The following RABGEF1 variants were observed in gnomAD, a reference collection of about 807,000 sequenced individuals.
RABGEF1 encodes RAB guanine nucleotide exchange factor 1.
In RABGEF1, 26 loss-of-function variants were observed where a neutral mutation model predicts 57.3. That is an observed-to-expected ratio of 0.45 (90% CI 0.33 to 0.63). The LOEUF (loss-of-function observed/expected upper bound fraction) is 0.63, where lower values mean the gene tolerates loss of function less well. Ranked by LOEUF, RABGEF1 falls within the 20% of genes least tolerant of loss-of-function variation. RABGEF1 has a pLI of 0.02. For missense variants in RABGEF1, 464 were observed against 607.6 expected, an observed-to-expected ratio of 0.76 and a Z score of 2.48; for synonymous variants, 185 against 210.7, an observed-to-expected ratio of 0.88 and a Z score of 1.06.
At chr7:66,750,380 T>G (rs887524761) in intron 1 of RABGEF1, among the ~76,000 whole-genome samples, 2 of 152,216 alleles carry the variant, frequency 1.3e-5, no homozygotes, top group Non-Finnish European at 2.9e-5. Context: ...GTACTGAAAT[T>G]CAGTATTTAA....
intron 5 of RABGEF1, 79 bp from the exon 6 acceptor site, chr7:66,797,295 C>G: frequency 7.5e-7 from 1 of 1,324,972 alleles, no homozygotes. Flanking sequence ...CAGAGCCAGA[C>G]TCTTTGTTTG....
At chr7:66,656,820 CAAAAAAA>C in the RABGEF1 span, among the ~76,000 whole-genome samples, 8 of 73,862 alleles carry the variant, frequency 1.1e-4, no homozygotes, top group South Asian at 4.7e-4. Flanking sequence ...AACTGCATCT[CAAAAAAA>C]AAAAAAAAAA....
At chr7:66,754,718 T>C (rs546158898) in intron 1 of RABGEF1, among the ~76,000 whole-genome samples, 5 of 152,358 alleles carry the variant, frequency 3.3e-5, no homozygotes, top group African/African-American at 1.2e-4. Context: ...TTGCGCCATC[T>C]AACAAATCTG....
At chr7:66,785,602 C>T (rs534110018) in intron 4 of RABGEF1, among the ~76,000 whole-genome samples, 24 of 152,294 alleles carry the variant, frequency 1.6e-4, no homozygotes, top group Middle Eastern at 3.4e-3. Context: ...TGGCCGGGTG[C>T]GGTGGCTCAC....
At chr7:66,803,062 A>G (rs1002335270) in intron 7 of RABGEF1, among the ~76,000 whole-genome samples, 86 of 152,352 alleles carry the variant, frequency 5.6e-4, no homozygotes, top group African/African-American at 2.0e-3. Flanking sequence ...TAAGTTCCAT[A>G]TAAGTAGAAA....
chr7:66,732,695 TGCTCTCTCTCTCTCGCTCACTCTCTCTC>T (rs1178280630), intron 2 of RABGEF1, among the ~76,000 whole-genome samples: 4 of 151,892 alleles, frequency 2.6e-5, no homozygotes, highest in African/African-American at 7.3e-5. Flanking sequence ...TGCGCTCTTG[TGCTCTCTCTCTCTCGCTCACTCTCTCTC>T]GCTCTCTCTC....
intron 3 of RABGEF1, among the ~76,000 whole-genome samples, chr7:66,777,225 A>G (rs192477627): frequency 6.6e-6 from 1 of 152,320 alleles, no homozygotes; most frequent in East Asian, 1.9e-4. Flanking sequence ...ATAAGTATTT[A>G]TGATAACAGA....
At chr7:66,800,349 G>A (rs945497804) in intron 7 of RABGEF1, among the ~76,000 whole-genome samples, 3 of 152,090 alleles carry the variant, frequency 2.0e-5, no homozygotes, top group Non-Finnish European at 4.4e-5. Flanking sequence ...CCTCTACAAC[G>A]GCAAGAGGGT....
intron 1 of RABGEF1, among the ~76,000 whole-genome samples, chr7:66,763,862 A>C (rs1805051415): frequency 6.6e-6 from 1 of 152,132 alleles, no homozygotes; most frequent in African/African-American, 2.4e-5. Flanking sequence ...GATATACCAC[A>C]TTTTGTTTAT....
rs564037503 is a variant in RABGEF1, at chr7:66,795,622, G to T, written c.595+30G>T. 19 of 1,547,346 alleles carry T rather than the reference G, an allele frequency of 1.2e-5. No homozygotes were observed. The South Asian group carries it at 1.9e-4, about 15-fold the overall frequency. On this transcript the variant is annotated intron_variant, in intron 5 of 8. Transcript: ENST00000284957. The stretch of plus-strand genomic sequence containing the variant: ...CACTGTTAGCCATTGAGAGATTGCG[G>T]GTATTGCACAGGGATGACTGCTCAG...
chr7:66,802,022 G>A (rs774764760), intron 7 of RABGEF1, among the ~76,000 whole-genome samples: 8 of 152,146 alleles, frequency 5.3e-5, no homozygotes, highest in Non-Finnish European at 8.8e-5. Flanking sequence ...CGATCCGTCC[G>A]CCTCAGCCTC....
chr7:66,746,313 T>G (rs1375058819), intron 1 of RABGEF1, among the ~76,000 whole-genome samples: 2 of 152,096 alleles, frequency 1.3e-5, no homozygotes, highest in Non-Finnish European at 2.9e-5. Context: ...CTTTTCTTTT[T>G]TTCTTTTTGA....
intron 2 of RABGEF1, among the ~76,000 whole-genome samples, chr7:66,731,079 A>G (rs1363212004): frequency 6.6e-6 from 1 of 152,142 alleles, no homozygotes; most frequent in Non-Finnish European, 1.5e-5. Flanking sequence ...CCACATTTCA[A>G]GGGGGCACAC....
chr7:66,695,888 T>TA (rs1792249834), intron 1 of RABGEF1, among the ~76,000 whole-genome samples: 1 of 151,568 alleles, frequency 6.6e-6, no homozygotes, highest in South Asian at 2.1e-4. Context: ...ATCACTTACA[T>TA]CTGGGAGTCG....
chr7:66,744,033 TTTCTTTTC>T (rs1319572907), intron 1 of RABGEF1, among the ~76,000 whole-genome samples: 1 of 151,100 alleles, frequency 6.6e-6, no homozygotes, highest in Non-Finnish European at 1.5e-5. Context: ...TTTCTTTTCT[TTTCTTTTC>T]TTTTTTTTTT....
rs1325533843 is a variant in RABGEF1, at chr7:66,797,240, G to A, written c.596-134G>A. ...AATGGCTCGAGCCCAGGAGGTGGAG[G>A]TTTCAGTGAGCCAAGGTCATGCTGC... is the stretch of plus-strand genomic sequence containing the variant. On this transcript the variant is annotated intron_variant, in intron 5 of 8. Transcript: ENST00000284957. 10 of 892,350 alleles carry A rather than the reference G, an allele frequency of 1.1e-5. No homozygotes were observed. The Admixed American group carries it at 3.5e-4, about 31-fold the overall frequency. The allele number at this position is 892,350 out of a possible 1,614,324, so 55.3% of individuals were successfully genotyped here.
intron 7 of RABGEF1, among the ~76,000 whole-genome samples, chr7:66,803,154 A>C (rs528402269): frequency 6.6e-6 from 1 of 152,322 alleles, no homozygotes; most frequent in Admixed American, 6.5e-5. Context: ...AAACAGCAAA[A>C]ATTATGTAAT....
intron 1 of RABGEF1, among the ~76,000 whole-genome samples, chr7:66,759,338 C>T (rs1353586197): frequency 2.0e-5 from 3 of 152,194 alleles, no homozygotes; most frequent in African/African-American, 7.2e-5. Flanking sequence ...TGTTAAGATT[C>T]GAAGCGTCTT....
At chr7:66,765,111 G>T (rs902827658) in intron 1 of RABGEF1, among the ~76,000 whole-genome samples, 20 of 151,530 alleles carry the variant, frequency 1.3e-4, no homozygotes, top group African/African-American at 4.8e-4. Context: ...GAAGGTCATG[G>T]GTGCACAGGT....
Sources: gnomAD v4.1 joint callset for allele counts (sites outside exome capture counted in the v4.1 genomes callset) on GRCh38, gnomAD v4.1.1 for gene constraint, MANE v1.5 for transcripts, NCBI Gene and HGNC (gene_info 2026-07-23, HGNC 2026-07-21) for gene names.